The following ASTN2 variants were observed in gnomAD, a reference collection of about 807,000 sequenced individuals.
The protein encoded by ASTN2 is astrotactin 2.
ASTN2 carries 54 observed loss-of-function variants against 139.8 expected under a neutral mutation model. The observed-to-expected ratio is 0.39, with a 90% confidence interval of 0.31 to 0.48. The LOEUF is 0.48. Among genes scored for constraint, ASTN2 ranks in the 20% least tolerant of loss-of-function variants. ASTN2 has a pLI of 0.95. For synonymous variants in ASTN2, 756 were observed against 719.5 expected (o/e 1.05, Z -0.81); for missense variants, 1,565 against 1,725.1 (o/e 0.91, Z 1.64).
At chr9:117,277,711 G>A (rs1013267625) in intron 2 of ASTN2, among the ~76,000 whole-genome samples, 1 of 152,078 alleles carries the variant, frequency 6.6e-6, no homozygotes, top group Non-Finnish European at 1.5e-5. Context: ...ATGACACTTG[G>A]TTACCAATAT....
chr9:116,463,605 C>T (rs1249719764), intron 20 of ASTN2, among the ~76,000 whole-genome samples: 3 of 152,168 alleles, frequency 2.0e-5, no homozygotes, highest in African/African-American at 4.8e-5. Context: ...CATGTCCCTC[C>T]CTCTGGGAAG....
intron 6 of ASTN2, among the ~76,000 whole-genome samples, chr9:117,008,766 G>A (rs1335067215): frequency 6.6e-6 from 1 of 152,180 alleles, no homozygotes; most frequent in African/African-American, 2.4e-5. Context: ...CTGGAACAGG[G>A]GTCATTGATG....
intron 1 of ASTN2, among the ~76,000 whole-genome samples, chr9:117,385,024 T>C (rs1368754392): frequency 1.3e-5 from 2 of 152,220 alleles, no homozygotes; most frequent in South Asian, 4.1e-4. Context: ...TCCAGTGTAC[T>C]GAGTACCCAT....
At chr9:116,707,496 A>T (rs1462116004) in intron 16 of ASTN2, among the ~76,000 whole-genome samples, 1 of 151,990 alleles carries the variant, frequency 6.6e-6, no homozygotes, top group African/African-American at 2.4e-5. Flanking sequence ...AGCAGGATCG[A>T]GAGGACCTTC....
At position 117,414,772 on chromosome 9, in the gene ASTN2, G is replaced by A; in HGVS notation, c.167C>T (p.Ser56Leu). The A allele has an allele frequency of 4.0e-6, 5 of 1,265,062 alleles. No individual in the cohort carries two copies. Among genetic ancestry groups the A allele is most frequent in the Non-Finnish European group, 4.0e-6 (4 of 1,003,912 alleles). 78.4% of individuals were successfully genotyped at this position (1,265,062 alleles called of 1,614,324 possible). A position where few individuals can be genotyped will look rare whatever the true frequency, so the allele number is the denominator to read the frequency against. Residue 56 changes from serine (S) to leucine (L), a missense_variant, in exon 1 of 23, where the codon TCG (serine) becomes TTG (leucine). Transcript: ENST00000313400. The surrounding 1 kb of genome is among the most constrained non-coding windows in gnomAD (Gnocchi z 4.2). Reference protein sequence around the residue: ...PLLAGATAAASREPDSPCRLK... With the variant: ...PLLAGATAAALREPDSPCRLK... ...CCGGCACGGGCTGTCGGGCTCCCGC[G>A]AGGCAGCGGCGGTGGCGCCGGCCAG...
chr9:116,452,015 G>T (rs879773630), intron 20 of ASTN2, among the ~76,000 whole-genome samples: 2 of 151,958 alleles, frequency 1.3e-5, no homozygotes, highest in Non-Finnish European at 2.9e-5. Flanking sequence ...TCTTTATTCA[G>T]GGTGTGGACT....
At chr9:117,201,516 C>T (rs559112425) in intron 3 of ASTN2, among the ~76,000 whole-genome samples, 4 of 152,092 alleles carry the variant, frequency 2.6e-5, no homozygotes, top group Admixed American at 6.5e-5. Context: ...TTAGCTGTGT[C>T]CCAGAGATTC....
chr9:117,042,469 T>C (rs978822925), intron 5 of ASTN2, among the ~76,000 whole-genome samples: 1 of 152,162 alleles, frequency 6.6e-6, no homozygotes, highest in Non-Finnish European at 1.5e-5. Flanking sequence ...GTTATTGTAG[T>C]TTTAGAATAA....
intron 19 of ASTN2, among the ~76,000 whole-genome samples, chr9:116,558,952 A>C (rs896482797): frequency 6.6e-6 from 1 of 152,348 alleles, no homozygotes; most frequent in East Asian, 1.9e-4. Context: ...AGTGTCTACT[A>C]TGAGCCAGTC....
chr9:117,339,357 T>C (rs1828989962), intron 1 of ASTN2, among the ~76,000 whole-genome samples: 1 of 152,094 alleles, frequency 6.6e-6, no homozygotes. Context: ...ACATGATCTG[T>C]GTGCCGCAGA....
chr9:117,336,695 T>C (rs1360545549), intron 1 of ASTN2, among the ~76,000 whole-genome samples: 2 of 152,180 alleles, frequency 1.3e-5, no homozygotes, highest in African/African-American at 4.8e-5. Context: ...CCTAAAATGT[T>C]TGATTCTCTA....
chr9:117,123,826 A>T (rs1829619539), intron 4 of ASTN2, among the ~76,000 whole-genome samples: 1 of 151,996 alleles, frequency 6.6e-6, no homozygotes, highest in Non-Finnish European at 1.5e-5. Context: ...TCGGACTTGG[A>T]CTTCACCAGG....
At chr9:117,075,551 G>A (rs1265429405) in intron 5 of ASTN2, among the ~76,000 whole-genome samples, 1 of 151,918 alleles carries the variant, frequency 6.6e-6, no homozygotes, top group East Asian at 1.9e-4. Flanking sequence ...GCAATTTCAT[G>A]GTCTCCCTTG....
At chr9:117,401,308 T>C (rs1361856274) in intron 1 of ASTN2, among the ~76,000 whole-genome samples, 2 of 152,148 alleles carry the variant, frequency 1.3e-5, no homozygotes, top group East Asian at 3.9e-4. Flanking sequence ...CAAATACCTG[T>C]CAGGTAAAGG....
chr9:117,376,992 G>A (rs1432058572), intron 1 of ASTN2, among the ~76,000 whole-genome samples: 1 of 152,134 alleles, frequency 6.6e-6, no homozygotes, highest in East Asian at 1.9e-4. Context: ...TGAGAGCTTA[G>A]AAACTCCAGG....
chr9:117,286,161 G>T (rs139355780), intron 2 of ASTN2, among the ~76,000 whole-genome samples: 2,666 of 152,188 alleles, frequency 0.018, 28 homozygotes, highest in Non-Finnish European at 0.028. Flanking sequence ...AACTATTTTT[G>T]TTGAAAGCAA....
intron 3 of ASTN2, among the ~76,000 whole-genome samples, chr9:117,148,645 T>C (rs926911966): frequency 6.6e-6 from 1 of 152,238 alleles, no homozygotes; most frequent in Non-Finnish European, 1.5e-5. Flanking sequence ...ACCTCAGATC[T>C]GATAGTCAAT....
intron 5 of ASTN2, among the ~76,000 whole-genome samples, chr9:117,053,249 T>A (rs1838964391): frequency 6.6e-6 from 1 of 152,028 alleles, no homozygotes. Context: ...GTCAGGAGTT[T>A]GAGACTAGCC....
At chr9:116,543,633 T>C (rs961682902) in intron 19 of ASTN2, 3 of 152,242 alleles carry the variant, frequency 2.0e-5, no homozygotes, top group Non-Finnish European at 4.4e-5. Flanking sequence ...TTATAATCCC[T>C]TAAGATAATA....
Sources: allele counts gnomAD v4.1 joint callset (sites outside exome capture counted in the v4.1 genomes callset), GRCh38; gene constraint gnomAD v4.1.1; non-coding constraint Gnocchi (gnomAD v3.1); transcripts MANE v1.5; gene names NCBI Gene and HGNC (gene_info 2026-07-23, HGNC 2026-07-21).